ACACA: variants seen among roughly 807,000 people sequenced by gnomAD.
ACACA encodes the protein acetyl-CoA carboxylase alpha, also known as acetyl-CoA carboxylase 1.
In ACACA, 103 loss-of-function variants were observed where a neutral mutation model predicts 296.1. That is an observed-to-expected ratio of 0.35 (90% CI 0.30 to 0.41). The LOEUF (loss-of-function observed/expected upper bound fraction) is 0.41. Among genes scored for constraint, ACACA ranks in the 10% least tolerant of loss-of-function variants. The probability of loss-of-function intolerance (pLI) is 1.00; values close to 1 mark genes in which losing one functional copy is unlikely to be tolerated. For missense variants in ACACA, 1,554 were observed against 2,989.7 expected (o/e 0.52, Z 11.20); for synonymous variants, 953 against 1,038.6 (o/e 0.92, Z 1.58).
At chr17:37,249,834 G>A (rs1328366863) in intron 16 of ACACA, among the ~76,000 whole-genome samples, 1 of 152,188 alleles carries the variant, frequency 6.6e-6, no homozygotes, top group Non-Finnish European at 1.5e-5. Context: ...TTGAACTGTA[G>A]CTCCCATAAT....
At position 37,349,760 on chromosome 17, in the gene ACACA, C is replaced by T. The variant is rs367673343; in HGVS notation, c.39-9910G>A. 5.3e-5 allele frequency among the ~76,000 whole-genome samples: 8 copies of T among 151,874 alleles called. No individual in the cohort carries two copies. The East Asian group carries it at 1.6e-3, about 29-fold the overall frequency. On this transcript the variant is annotated intron_variant, in intron 1 of 55. Transcript: ENST00000616317. ...TTTCAATAGAGACAGGATTGCACCA[C>T]GTTGGCCAGGCTGGTCTCGAACTTC...
In ACACA at chr17:37,349,135, A is replaced by G. The variant is rs536940398; in HGVS notation, c.39-9285T>C. ...GAGTGCAGTGGCGTGATCGCCGCTC[A>G]CTGCAACCTCCACCTCCCAGACTCA... On this transcript the variant is annotated intron_variant, in intron 1 of 55. Transcript: ENST00000616317. 2.8e-3 allele frequency among the ~76,000 whole-genome samples: 419 copies of G among 150,772 alleles called. 1 individual carries two copies. Among genetic ancestry groups the G allele is most frequent in the Middle Eastern group, 0.01 (3 of 290 alleles).
At chr17:37,365,745 C>T (rs1568059968) in intron 1 of ACACA, 2 of 985,378 alleles carry the variant, frequency 2.0e-6, no homozygotes, top group Non-Finnish European at 2.4e-6. Context: ...CTTCATAAGT[C>T]TGGTCCTAAT....
chr17:37,315,822 G>T (rs2047059931), intron 3 of ACACA, among the ~76,000 whole-genome samples: 1 of 152,148 alleles, frequency 6.6e-6, no homozygotes, highest in African/African-American at 2.4e-5. Flanking sequence ...TTGTTTACAA[G>T]GTTTTATGGA....
intron 47 of ACACA, among the ~76,000 whole-genome samples, chr17:37,128,159 T>A (rs1320421459): frequency 2.6e-5 from 4 of 151,924 alleles, no homozygotes; most frequent in African/African-American, 9.7e-5. Flanking sequence ...CAGGTAAAGT[T>A]ATAAATTAAA....
At position 37,406,244 on chromosome 17, in the gene ACACA, A is replaced by C; in HGVS notation, c.38+18T>G. The C allele has an allele frequency of 6.2e-7, 1 of 1,613,454 alleles. No individual in the cohort carries two copies. The highest frequency in any genetic ancestry group is 8.5e-7 in the Non-Finnish European group (1 of 1,179,354). On this transcript the variant is annotated intron_variant, in intron 1 of 55. Coordinates refer to ENST00000616317, the MANE Select transcript of ACACA (RefSeq NM_198834.3). ...AGAATCATCATTAACAGCAGTAATA[A>C]GAGATCTTGGGACATACCTAGCCCT...
intron 47 of ACACA, among the ~76,000 whole-genome samples, chr17:37,126,275 A>G (rs770351128): frequency 2.0e-5 from 3 of 152,348 alleles, no homozygotes; most frequent in South Asian, 4.1e-4. Context: ...AAGGATCCAA[A>G]TTTGGAGGGA....
At chr17:37,357,367 C>T (rs2049189775) in intron 1 of ACACA, among the ~76,000 whole-genome samples, 3 of 152,058 alleles carry the variant, frequency 2.0e-5, no homozygotes, top group Admixed American at 2.0e-4. Flanking sequence ...GTGGCGCACG[C>T]GTGTAATCCC....
At chr17:37,316,765 T>C (rs1396957792) in intron 3 of ACACA, among the ~76,000 whole-genome samples, 3 of 152,170 alleles carry the variant, frequency 2.0e-5, no homozygotes, top group Admixed American at 1.3e-4. Context: ...TGCAGCACTA[T>C]TCACAACAGC....
chr17:37,293,132 A>G (rs542920680), intron 3 of ACACA, among the ~76,000 whole-genome samples: 305 of 152,330 alleles, frequency 2.0e-3, no homozygotes, highest in Non-Finnish European at 3.7e-3. Flanking sequence ...CCAGTTCTCT[A>G]TCAGGTTTTA....
intron 3 of ACACA, among the ~76,000 whole-genome samples, chr17:37,297,366 G>T (rs1247957691): frequency 6.6e-6 from 1 of 150,944 alleles, no homozygotes; most frequent in African/African-American, 2.4e-5. Flanking sequence ...GCTTGAACCC[G>T]GGAGGCAGAG....
chr17:37,390,334 A>ATATCTATATATCTATATATCTAT (rs2050822111), intron 1 of ACACA, among the ~76,000 whole-genome samples: 1 of 93,444 alleles, frequency 1.1e-5, no homozygotes. Flanking sequence ...ATATATATAT[A>ATATCTATATATCTATATATCTAT]AAAGGCCAGC....
At chr17:37,229,865 G>C (rs543955522) in intron 25 of ACACA, among the ~76,000 whole-genome samples, 1 of 150,418 alleles carries the variant, frequency 6.6e-6, no homozygotes, top group African/African-American at 2.4e-5. Flanking sequence ...AGGTCAGTTC[G>C]AGACCAGCCT....
intron 45 of ACACA, among the ~76,000 whole-genome samples, chr17:37,148,837 G>A (rs2075921791): frequency 6.6e-6 from 1 of 152,020 alleles, no homozygotes; most frequent in Non-Finnish European, 1.5e-5. Context: ...TGAGTAGCTG[G>A]GAATCTAGGC....
chr17:37,301,072 A>G (rs1424156462), intron 3 of ACACA, among the ~76,000 whole-genome samples: 3 of 152,210 alleles, frequency 2.0e-5, no homozygotes, highest in Non-Finnish European at 2.9e-5. Flanking sequence ...ATAAAGCACT[A>G]AGTGTAAAAA....
At chr17:37,391,714 C>G (rs766956579) in intron 1 of ACACA, 1 of 1,613,640 alleles carries the variant, frequency 6.2e-7, no homozygotes, top group Non-Finnish European at 8.5e-7. Context: ...ATCCACCAGA[C>G]ATACTTCTGA....
chr17:37,150,541 CA>C (rs57152851), intron 44 of ACACA, among the ~76,000 whole-genome samples: 52 of 143,188 alleles, frequency 3.6e-4, no homozygotes, highest in East Asian at 4.1e-4. Flanking sequence ...GACTCTGTCT[CA>C]AAAAAAAAAA....
intron 38 of ACACA, among the ~76,000 whole-genome samples, chr17:37,188,957 A>C (rs536618294): frequency 2.6e-5 from 4 of 152,346 alleles, no homozygotes; most frequent in African/African-American, 9.6e-5. Context: ...CAGTTTTATT[A>C]AACTTTATAA....
intron 3 of ACACA, among the ~76,000 whole-genome samples, chr17:37,300,532 A>G (rs1006822672): frequency 6.6e-6 from 1 of 152,226 alleles, no homozygotes. Flanking sequence ...GAAATAGTTA[A>G]CAATCTGATG....
Sources: allele counts gnomAD v4.1 joint callset (sites outside exome capture counted in the v4.1 genomes callset), GRCh38; gene constraint gnomAD v4.1.1; transcripts MANE v1.5; gene names NCBI Gene and HGNC (gene_info 2026-07-23, HGNC 2026-07-21).